KIAA1328: variants seen among roughly 807,000 people sequenced by gnomAD.
The protein encoded by KIAA1328 is protein hinderin.
Under a neutral mutation model 68.1 loss-of-function variants are expected in KIAA1328, and 52 were observed. That is an observed-to-expected ratio of 0.76 (90% CI 0.61 to 0.96). KIAA1328 has a LOEUF of 0.96. Among genes scored for constraint, KIAA1328 ranks in the 40% least tolerant of loss-of-function variants. The pLI is 0.00. For missense variants in KIAA1328, 641 were observed against 677.6 expected, an observed-to-expected ratio of 0.95 and a Z score of 0.60; for synonymous variants, 232 against 239.4, an observed-to-expected ratio of 0.97 and a Z score of 0.28.
chr18:36,905,081 ATATTTATTTATTTATTTATTTATT>A (rs55910118), intron 5 of KIAA1328, among the ~76,000 whole-genome samples: 5 of 142,536 alleles, frequency 3.5e-5, no homozygotes, highest in African/African-American at 1.3e-4. Flanking sequence ...TTGTAAGGAG[ATATTTATTTATTTATTTATTTATT>A]TATTTATTTA....
chr18:36,881,515 G>C (rs977466887), intron 4 of KIAA1328, among the ~76,000 whole-genome samples: 1 of 151,954 alleles, frequency 6.6e-6, no homozygotes, highest in African/African-American at 2.4e-5. Flanking sequence ...TTTAAACAGC[G>C]TATTCACAGT....
intron 3 of KIAA1328, among the ~76,000 whole-genome samples, chr18:36,836,039 G>C (rs2046662162): frequency 1.3e-5 from 2 of 152,142 alleles, no homozygotes; most frequent in African/African-American, 4.8e-5. Flanking sequence ...GGTTGCTTTT[G>C]TGTTACAATA....
chr18:37,148,129 C>G lies in KIAA1328; in HGVS notation c.1233-12071C>G, dbSNP rs143400751. ...ATTTTTCCTAATGCTCTCCCTCCCC[C>G]CACCACACCTCCCAACAGGCCCCAC... On this transcript the variant is annotated intron_variant, in intron 7 of 9. Coordinates refer to ENST00000280020, the MANE Select transcript of KIAA1328 (RefSeq NM_020776.3). Among the ~76,000 whole-genome samples the G allele has an allele frequency of 6.9e-3, 1,051 of 152,216 alleles. 11 individuals carry two copies. Among genetic ancestry groups the G allele is most frequent in the Non-Finnish European group, 0.012 (835 of 68,008 alleles).
At chr18:37,055,266 G>T (rs1178059160) in intron 6 of KIAA1328, among the ~76,000 whole-genome samples, 4 of 152,148 alleles carry the variant, frequency 2.6e-5, no homozygotes, top group African/African-American at 9.7e-5. Flanking sequence ...TTAAAATTCA[G>T]CTCTAATTGG....
Position 37,128,290 on chromosome 18 carries a change from G to A in KIAA1328, c.1233-31910G>A, listed in dbSNP as rs149101323. Among the ~76,000 whole-genome samples, 851 of 152,144 alleles carry A rather than the reference G, an allele frequency of 5.6e-3. 2 individuals are homozygous for A. Among genetic ancestry groups the A allele is most frequent in the Non-Finnish European group, 8.0e-3 (542 of 68,012 alleles). ...TTAAGACCAGCCTGGCTAACATGGAGAAACCCTGATTTTACTAAAAAAATA... is the reference window on the plus strand; with the variant it reads ...TTAAGACCAGCCTGGCTAACATGGAAAAACCCTGATTTTACTAAAAAAATA... On this transcript the variant is annotated intron_variant, in intron 7 of 9. Transcript: ENST00000280020.
intron 5 of KIAA1328, among the ~76,000 whole-genome samples, chr18:36,953,002 CAA>C (rs79491837): frequency 1.4e-5 from 2 of 137,934 alleles, no homozygotes; most frequent in Admixed American, 7.3e-5. Flanking sequence ...AAACCAAAAC[CAA>C]AAAAAAAAAA....
At chr18:36,936,485 A>G (rs910199517) in intron 5 of KIAA1328, among the ~76,000 whole-genome samples, 3 of 152,180 alleles carry the variant, frequency 2.0e-5, no homozygotes, top group African/African-American at 7.2e-5. Flanking sequence ...ATAGTATTCC[A>G]TCATGTATAT....
At chr18:37,055,645 C>G (rs1454286382) in intron 6 of KIAA1328, among the ~76,000 whole-genome samples, 1 of 152,178 alleles carries the variant, frequency 6.6e-6, no homozygotes, top group Non-Finnish European at 1.5e-5. Context: ...CATTCTGTGC[C>G]TTCTTTTACA....
At chr18:36,894,326 T>G (rs1445176903) in intron 5 of KIAA1328, among the ~76,000 whole-genome samples, 3 of 152,202 alleles carry the variant, frequency 2.0e-5, no homozygotes, top group Non-Finnish European at 4.4e-5. Flanking sequence ...TCCAGATATG[T>G]AGAATGTTTA....
intron 7 of KIAA1328, among the ~76,000 whole-genome samples, chr18:37,088,059 C>T (rs2057157589): frequency 6.6e-6 from 1 of 152,170 alleles, no homozygotes; most frequent in Non-Finnish European, 1.5e-5. Flanking sequence ...TTTCTACCTG[C>T]TTCCTCCAGT....
chr18:37,128,192 G>A (rs568335950), intron 7 of KIAA1328, among the ~76,000 whole-genome samples: 1 of 152,214 alleles, frequency 6.6e-6, no homozygotes, highest in South Asian at 2.1e-4. Flanking sequence ...ACTTAGGCTG[G>A]GCATGGTGAC....
chr18:37,110,325 A>G (rs929088200), intron 7 of KIAA1328, among the ~76,000 whole-genome samples: 1 of 152,218 alleles, frequency 6.6e-6, no homozygotes, highest in Non-Finnish European at 1.5e-5. Flanking sequence ...GGTGAGAGTT[A>G]AGGAATAAGG....
intron 9 of KIAA1328, among the ~76,000 whole-genome samples, chr18:37,210,032 CAGG>C (rs1156401290): frequency 6.6e-6 from 1 of 152,096 alleles, no homozygotes; most frequent in African/African-American, 2.4e-5. Flanking sequence ...GAAGGAAAAT[CAGG>C]AGATGTCTAC....
intron 7 of KIAA1328, among the ~76,000 whole-genome samples, chr18:37,128,314 TA>T (rs1568442327): frequency 6.6e-6 from 1 of 151,838 alleles, no homozygotes; most frequent in Admixed American, 6.6e-5. Context: ...ACTAAAAAAA[TA>T]CCAAAAAGAT....
At chr18:37,163,597 A>G (rs1462086200) in intron 8 of KIAA1328, among the ~76,000 whole-genome samples, 1 of 152,206 alleles carries the variant, frequency 6.6e-6, no homozygotes, top group African/African-American at 2.4e-5. Context: ...ACTCAAGTAA[A>G]GAATAATCTC....
chr18:37,166,814 A>C (rs1385331531), intron 8 of KIAA1328, among the ~76,000 whole-genome samples: 1 of 152,182 alleles, frequency 6.6e-6, no homozygotes, highest in Admixed American at 6.5e-5. Context: ...CTGGGGTTTA[A>C]AAAAATAAAT....
intron 4 of KIAA1328, among the ~76,000 whole-genome samples, chr18:36,853,596 C>A (rs1191765264): frequency 1.3e-5 from 2 of 152,150 alleles, no homozygotes; most frequent in Admixed American, 1.3e-4. Flanking sequence ...ACAGCTGCAT[C>A]TTCTATCCTA....
intron 4 of KIAA1328, among the ~76,000 whole-genome samples, chr18:36,858,867 T>C (rs1017707642): frequency 1.3e-5 from 2 of 152,264 alleles, no homozygotes; most frequent in Non-Finnish European, 1.5e-5. Flanking sequence ...GCATGTTTGC[T>C]CTTAATACTT....
At position 37,222,474 on chromosome 18, in the gene KIAA1328, A is replaced by G. The variant is rs2060582781; in HGVS notation, c.*247A>G. On this transcript the variant is annotated 3_prime_UTR_variant, in exon 10 of 10. Transcript: ENST00000280020. Reference sequence around the variant, plus strand: ...GTATCTTTTATATGCTAAACAGATTAGAAAATTAACATAGGATACTTTCTG... The same window carrying G: ...GTATCTTTTATATGCTAAACAGATTGGAAAATTAACATAGGATACTTTCTG... 1 of 1,316,346 alleles carries G rather than the reference A, an allele frequency of 7.6e-7. No homozygotes were observed. 81.5% of individuals were successfully genotyped at this position (1,316,346 alleles called of 1,614,324 possible).
Sources: gnomAD v4.1 joint callset for allele counts (sites outside exome capture counted in the v4.1 genomes callset) on GRCh38, gnomAD v4.1.1 for gene constraint, MANE v1.5 for transcripts, NCBI Gene and HGNC (gene_info 2026-07-23, HGNC 2026-07-21) for gene names.